SUPT3H: variants seen among roughly 807,000 people sequenced by gnomAD.
SUPT3H encodes transcription initiation protein SPT3 homolog.
A neutral mutation model predicts 44.3 loss-of-function variants in SUPT3H; 44 were observed. The observed-to-expected ratio is 0.99, with a 90% CI of 0.78 to 1.28. The LOEUF (loss-of-function observed/expected upper bound fraction) is 1.28, where lower values mean the gene tolerates loss of function less well. SUPT3H is among the 50% of genes most tolerant of loss of function. The pLI, the probability that SUPT3H is intolerant of heterozygous loss-of-function variation, is 0.00. For synonymous variants in SUPT3H, 124 were observed against 125.6 expected (o/e 0.99, Z 0.09); for missense variants, 380 against 387.1 (o/e 0.98, Z 0.15).
intron 10 of SUPT3H, among the ~76,000 whole-genome samples, chr6:44,894,299 T>C (rs1424952411): frequency 4.0e-5 from 6 of 151,842 alleles, no homozygotes; most frequent in African/African-American, 9.7e-5. Flanking sequence ...TCCTTGCCCA[T>C]GCCTATGTCC....
intron 3 of SUPT3H, among the ~76,000 whole-genome samples, chr6:45,063,879 C>T (rs1166565271): frequency 3.0e-5 from 4 of 133,380 alleles, no homozygotes; most frequent in African/African-American, 1.2e-4. Flanking sequence ...AGTTGGAAAA[C>T]ACTCTGCAGG....
At chr6:45,167,543 T>C (rs534023076) in intron 2 of SUPT3H, among the ~76,000 whole-genome samples, 28 of 152,344 alleles carry the variant, frequency 1.8e-4, no homozygotes, top group Admixed American at 1.8e-3. Flanking sequence ...TTATGTGTTA[T>C]GTTTTCTGCT....
At chr6:45,189,836 A>G (rs1216737776) in intron 2 of SUPT3H, among the ~76,000 whole-genome samples, 1 of 152,210 alleles carries the variant, frequency 6.6e-6, no homozygotes, top group East Asian at 1.9e-4. Context: ...TGATGTCCCA[A>G]GTTATATGTA....
intron 3 of SUPT3H, among the ~76,000 whole-genome samples, chr6:45,102,225 TA>T (rs1288783046): frequency 1.3e-5 from 2 of 152,120 alleles, no homozygotes; most frequent in African/African-American, 2.4e-5. Flanking sequence ...TATTAACACT[TA>T]AAAAACAATT....
At chr6:45,188,133 T>C (rs1449089508) in intron 2 of SUPT3H, among the ~76,000 whole-genome samples, 1 of 152,188 alleles carries the variant, frequency 6.6e-6, no homozygotes, top group Non-Finnish European at 1.5e-5. Flanking sequence ...ATCACAGCGG[T>C]TGTGTTTAAG....
intron 10 of SUPT3H, among the ~76,000 whole-genome samples, chr6:44,906,615 A>G (rs1385399768): frequency 2.0e-5 from 3 of 152,128 alleles, no homozygotes; most frequent in Non-Finnish European, 4.4e-5. Flanking sequence ...ACAAAAAATT[A>G]GCCAGGCATG....
intron 2 of SUPT3H, among the ~76,000 whole-genome samples, chr6:45,201,016 G>A (rs1290386): frequency 0.61 from 92,824 of 151,170 alleles, 29,008 homozygotes; most frequent in African/African-American, 0.74. Context: ...GGAACAATAC[G>A]AAGATTTCAA....
At chr6:45,240,272 A>G (rs576701725) in intron 2 of SUPT3H, among the ~76,000 whole-genome samples, 1 of 152,306 alleles carries the variant, frequency 6.6e-6, no homozygotes, top group Admixed American at 6.5e-5. Context: ...AAACCTGAGG[A>G]AAGCGGACAA....
chr6:45,325,483 T>G (rs944662268), intron 2 of SUPT3H, among the ~76,000 whole-genome samples: 11 of 151,690 alleles, frequency 7.3e-5, no homozygotes, highest in African/African-American at 2.7e-4. Context: ...TACCAACAAC[T>G]TTTTTTCTTT....
chr6:45,369,899 C>T (rs1304531248), intron 1 of SUPT3H, among the ~76,000 whole-genome samples: 2 of 152,034 alleles, frequency 1.3e-5, no homozygotes, highest in Non-Finnish European at 2.9e-5. Context: ...GGAGAACTTC[C>T]CAACAGAAAG....
chr6:44,947,906 G>A (rs72865965), intron 9 of SUPT3H, among the ~76,000 whole-genome samples: 2,217 of 152,174 alleles, frequency 0.015, 25 homozygotes, highest in South Asian at 0.029. Context: ...AGAAAACACA[G>A]GACAATATCA....
At chr6:45,022,631 T>C (rs894050494) in intron 3 of SUPT3H, among the ~76,000 whole-genome samples, 1 of 152,072 alleles carries the variant, frequency 6.6e-6, no homozygotes, top group Non-Finnish European at 1.5e-5. Flanking sequence ...CTAGTTAGTA[T>C]GTCTCTGGAA....
Position 44,817,679 on chromosome 6 carries a change from T to A in SUPT3H, c.*53-8178A>T, listed in dbSNP as rs569019945. On this transcript the variant is annotated intron_variant and NMD_transcript_variant, in intron 11 of 11. Transcript: ENST00000475057. ...TATACAAAAATCAATTTTATTTCTCTGTGAAATAAAATGAATAATGAATAA... is the reference window on the plus strand; with the variant it reads ...TATACAAAAATCAATTTTATTTCTCAGTGAAATAAAATGAATAATGAATAA... Among the ~76,000 whole-genome samples, 4 of 152,188 alleles carry A rather than the reference T, an allele frequency of 2.6e-5. No individual in the cohort carries two copies. The South Asian group carries it at 8.3e-4, about 32-fold the overall frequency.
chr6:45,179,895 G>A (rs899290924), intron 2 of SUPT3H, among the ~76,000 whole-genome samples: 1 of 152,034 alleles, frequency 6.6e-6, no homozygotes, highest in African/African-American at 2.4e-5. Flanking sequence ...GGAAATAAAG[G>A]GTATTCAATT....
At chr6:45,313,939 C>T (rs1049635374) in intron 2 of SUPT3H, among the ~76,000 whole-genome samples, 3 of 152,190 alleles carry the variant, frequency 2.0e-5, no homozygotes, top group Non-Finnish European at 2.9e-5. Context: ...AAAAGATAAT[C>T]CACCATGATC....
intron 10 of SUPT3H, among the ~76,000 whole-genome samples, chr6:44,912,836 G>A (rs892089629): frequency 6.6e-6 from 1 of 152,158 alleles, no homozygotes; most frequent in African/African-American, 2.4e-5. Context: ...TCTGAATGTG[G>A]CAGTTACTGT....
chr6:45,045,342 CA>C (rs1480579310), intron 3 of SUPT3H, among the ~76,000 whole-genome samples: 1 of 152,072 alleles, frequency 6.6e-6, no homozygotes, highest in Non-Finnish European at 1.5e-5. Flanking sequence ...TCCTTCAAGC[CA>C]AAAACATCAA....
At chr6:44,809,200 T>C (rs1766351147), downstream of SUPT3H, 1 of 152,224 alleles carries the variant, frequency 6.6e-6, no homozygotes, top group South Asian at 2.1e-4. Context: ...ATACGAAGAT[T>C]GAAGAGCTGA....
chr6:45,265,016 T>G (rs1775025832), intron 2 of SUPT3H, among the ~76,000 whole-genome samples: 2 of 152,146 alleles, frequency 1.3e-5, no homozygotes, highest in African/African-American at 4.8e-5. Context: ...TATGAAGTAT[T>G]GGAGTGAGAA....
Sources: allele counts gnomAD v4.1 joint callset (sites outside exome capture counted in the v4.1 genomes callset), GRCh38; gene constraint gnomAD v4.1.1; transcripts MANE v1.5; gene names NCBI Gene and HGNC (gene_info 2026-07-23, HGNC 2026-07-21).